Variants in ICA1 observed in about 807,000 individuals in gnomAD.
The protein encoded by ICA1 is islet cell autoantigen 1.
Under a neutral mutation model 71.0 loss-of-function variants are expected in ICA1, and 40 were observed. That is an observed-to-expected ratio of 0.56 (90% confidence interval 0.44 to 0.73). ICA1 has a LOEUF of 0.73. ICA1 is among the 30% of genes least tolerant of loss of function. The pLI, the probability that ICA1 is intolerant of heterozygous loss-of-function variation, is 0.00. For synonymous variants in ICA1, 207 were observed against 209.5 expected (o/e 0.99, Z 0.10); for missense variants, 578 against 576.5 (o/e 1.00, Z -0.03).
chr7:8,131,701 G>C (rs577113244), intron 12 of ICA1, among the ~76,000 whole-genome samples: 1 of 152,298 alleles, frequency 6.6e-6, no homozygotes, highest in South Asian at 2.1e-4. Flanking sequence ...TAACACGTAA[G>C]AAAAATCTAA....
chr7:8,158,272 GA>G lies in ICA1; in HGVS notation c.705+254del, dbSNP rs576018582. The G allele has an allele frequency of 2.3e-4, 102 of 446,242 alleles. 1 individual carries two copies. The highest frequency in any genetic ancestry group is 1.8e-3 in the African/African-American group (91 of 49,614). The allele number at this position is 446,242 out of a possible 1,614,324, so 27.6% of individuals were successfully genotyped here. A position where few individuals can be genotyped will look rare whatever the true frequency, so the allele number is the denominator to read the frequency against. The stretch of plus-strand genomic sequence containing the variant: ...AATTTGGAAAGGCACGGATGGAGGA[GA>G]AAGGCACTCCAGGTAGAAGGGACCC... On this transcript the variant is annotated intron_variant, in intron 7 of 13. Transcript: ENST00000402384.
At chr7:8,197,802 A>C (rs1469674621) in intron 6 of ICA1, among the ~76,000 whole-genome samples, 1 of 152,004 alleles carries the variant, frequency 6.6e-6, no homozygotes, top group Admixed American at 6.5e-5. Context: ...CAGACCCAAG[A>C]AAGCTAAATC....
At chr7:8,122,560 C>A (rs1787409012) in intron 13 of ICA1, among the ~76,000 whole-genome samples, 1 of 152,270 alleles carries the variant, frequency 6.6e-6, no homozygotes, top group African/African-American at 2.4e-5. Flanking sequence ...CTGAGAGTGC[C>A]TGCTCTGCAT....
At chr7:8,251,307 C>A (rs1369078148) in intron 1 of ICA1, among the ~76,000 whole-genome samples, 1 of 151,586 alleles carries the variant, frequency 6.6e-6, no homozygotes, top group Admixed American at 6.6e-5. Flanking sequence ...AAATCACATT[C>A]CTAAAGTATG....
At chr7:8,193,380 G>A (rs573663137) in intron 6 of ICA1, among the ~76,000 whole-genome samples, 4 of 152,200 alleles carry the variant, frequency 2.6e-5, no homozygotes, top group East Asian at 3.9e-4. Flanking sequence ...CTGTAGCTCC[G>A]TTCTCCTAAA....
intron 6 of ICA1, among the ~76,000 whole-genome samples, chr7:8,197,381 C>G (rs1311348878): frequency 2.0e-5 from 3 of 151,244 alleles, no homozygotes; most frequent in African/African-American, 7.3e-5. Context: ...AGTGAAACCC[C>G]ATCTCTACTA....
At chr7:8,199,622 G>C (rs1585148250) in intron 6 of ICA1, among the ~76,000 whole-genome samples, 1 of 152,218 alleles carries the variant, frequency 6.6e-6, no homozygotes, top group African/African-American at 2.4e-5. Context: ...GCTGAGGCAG[G>C]AGAATTGCCT....
intron 13 of ICA1, among the ~76,000 whole-genome samples, chr7:8,124,727 T>G (rs1393105794): frequency 6.6e-6 from 1 of 152,190 alleles, no homozygotes; most frequent in Non-Finnish European, 1.5e-5. Context: ...TCTGTAGGTA[T>G]TCCATTGGCA....
intron 1 of ICA1, among the ~76,000 whole-genome samples, chr7:8,246,559 T>G (rs773077398): frequency 6.6e-6 from 1 of 152,152 alleles, no homozygotes; most frequent in African/African-American, 2.4e-5. Context: ...GACTGCACCT[T>G]GATGGGGTTA....
At chr7:8,189,446 G>A (rs1283513405) in intron 6 of ICA1, among the ~76,000 whole-genome samples, 3 of 152,194 alleles carry the variant, frequency 2.0e-5, no homozygotes, top group Non-Finnish European at 4.4e-5. Context: ...GGATTCTTTC[G>A]CCTCCTCGCT....
rs765301268 is a variant in ICA1 at position 8,113,893 on chromosome 7, C to T, written c.*30G>A. Reference sequence around the variant, plus strand: ...CCCCCAGGGGAGCTGCTGGGGGCGGCATGTGAGTGCCCTCCCGAAGGGTAC... The same window carrying T: ...CCCCCAGGGGAGCTGCTGGGGGCGGTATGTGAGTGCCCTCCCGAAGGGTAC... On this transcript the variant is annotated 3_prime_UTR_variant, in exon 14 of 14. Coordinates refer to ENST00000402384, the MANE Select transcript of ICA1 (RefSeq NM_001136020.3). This position sits in a 1 kb window ranked among gnomAD's most constrained non-coding sequence, Gnocchi z 4.2. The T allele has an allele frequency of 6.2e-7, 1 of 1,613,646 alleles. No individual in the cohort carries two copies. The highest frequency in any genetic ancestry group is 1.1e-5 in the South Asian group (1 of 91,042).
At chr7:8,179,753 AC>A (rs1781636522) in intron 6 of ICA1, among the ~76,000 whole-genome samples, 1 of 151,702 alleles carries the variant, frequency 6.6e-6, no homozygotes, top group Non-Finnish European at 1.5e-5. Context: ...GGAAGGGAGA[AC>A]TTTTTTTTTT....
intron 5 of ICA1, among the ~76,000 whole-genome samples, chr7:8,219,732 C>A (rs1004507095): frequency 6.6e-6 from 1 of 152,152 alleles, no homozygotes; most frequent in Admixed American, 6.5e-5. Context: ...GCAATGACTA[C>A]CAAATAAGTC....
At chr7:8,230,468 T>A (rs1449719599) in intron 3 of ICA1, among the ~76,000 whole-genome samples, 2 of 152,174 alleles carry the variant, frequency 1.3e-5, no homozygotes, top group Non-Finnish European at 2.9e-5. Flanking sequence ...AACATCAACA[T>A]CAGTATTAAC....
At chr7:8,221,157 C>G in intron 5 of ICA1, 118 bp downstream of exon 5, 1 of 1,186,612 alleles carries the variant, frequency 8.4e-7, no homozygotes, top group South Asian at 1.3e-5. Flanking sequence ...TACAGAGCAG[C>G]TCCTCAGCCT....
chr7:8,134,369 T>A (rs541801939), intron 12 of ICA1, among the ~76,000 whole-genome samples: 9 of 152,178 alleles, frequency 5.9e-5, no homozygotes, highest in Non-Finnish European at 1.3e-4. Context: ...CAGGTGGTAT[T>A]TTTGAACTCA....
At chr7:8,237,815 G>GAC (rs916761494) in intron 1 of ICA1, among the ~76,000 whole-genome samples, 7 of 135,260 alleles carry the variant, frequency 5.2e-5, no homozygotes, top group African/African-American at 1.9e-4. Flanking sequence ...CAATGTTGAA[G>GAC]ACAGACACAC....
rs1434633615 is a variant in ICA1 at position 8,114,046 on chromosome 7, T to C, written c.1331-2A>G. The C allele has an allele frequency of 6.2e-7, 1 of 1,614,092 alleles. No individual in the cohort carries two copies. The highest frequency in any genetic ancestry group is 1.7e-5 in the Admixed American group (1 of 60,006). Reference sequence around the variant, plus strand: ...GGTCTGAGGCAGCCTTAGCAGGTTCTGGGGAGAGAAGAGGAAACATGAGCA... The same window carrying C: ...GGTCTGAGGCAGCCTTAGCAGGTTCCGGGGAGAGAAGAGGAAACATGAGCA... On this transcript the variant is annotated splice_acceptor_variant, in intron 13 of 13. Coordinates refer to ENST00000402384, the MANE Select transcript of ICA1 (RefSeq NM_001136020.3). LOFTEE classifies it high-confidence loss of function.
chr7:8,143,843 A>C (rs764721320), intron 9 of ICA1, 32 bp downstream of exon 9: 44 of 1,391,370 alleles, frequency 3.2e-5, no homozygotes, highest in Non-Finnish European at 4.4e-5. Flanking sequence ...CTGTGGGAAG[A>C]AAGATGCAGA....
Sources: allele counts gnomAD v4.1 joint callset (sites outside exome capture counted in the v4.1 genomes callset), GRCh38; gene constraint gnomAD v4.1.1; non-coding constraint Gnocchi (gnomAD v3.1); transcripts MANE v1.5; gene names NCBI Gene and HGNC (gene_info 2026-07-23, HGNC 2026-07-21).